C10orf90: variants seen among roughly 807,000 people sequenced by gnomAD.
C10orf90 encodes the protein (E2-independent) E3 ubiquitin-conjugating enzyme FATS.
Under a neutral mutation model 62.5 loss-of-function variants are expected in C10orf90, and 56 were observed. The ratio of observed to expected loss-of-function variants is 0.90; its 90% CI spans 0.72 to 1.12. The LOEUF (loss-of-function observed/expected upper bound fraction) is 1.12, where lower values mean the gene tolerates loss of function less well. Ranked by LOEUF, C10orf90 falls within the 50% of genes most tolerant of loss-of-function variation. The pLI is 0.00. For synonymous variants in C10orf90, 386 were observed against 340.4 expected, an observed-to-expected ratio of 1.13 and a Z score of -1.47; for missense variants, 970 against 880.4, an observed-to-expected ratio of 1.10 and a Z score of -1.29.
chr10:126,550,175 C>T (rs988072087), intron 2 of C10orf90, among the ~76,000 whole-genome samples: 3 of 151,636 alleles, frequency 2.0e-5, no homozygotes, highest in Non-Finnish European at 4.4e-5. Context: ...AGGCTGGTCT[C>T]GAACTCCTGA....
chr10:126,541,334 A>ATT (rs1471592260), intron 2 of C10orf90, among the ~76,000 whole-genome samples: 3 of 152,176 alleles, frequency 2.0e-5, no homozygotes, highest in Admixed American at 6.5e-5. Context: ...GATAAATAAA[A>ATT]TTTTAAAAAA....
chr10:126,527,525 T>C (rs1863982850), intron 2 of C10orf90, among the ~76,000 whole-genome samples: 1 of 152,252 alleles, frequency 6.6e-6, no homozygotes, highest in Non-Finnish European at 1.5e-5. Flanking sequence ...ATCTCGTATC[T>C]CTGCACCTTC....
At chr10:126,598,422 A>G (rs1845128752) in intron 2 of C10orf90, among the ~76,000 whole-genome samples, 1 of 152,108 alleles carries the variant, frequency 6.6e-6, no homozygotes, top group African/African-American at 2.4e-5. Context: ...ATCCTATATG[A>G]TGCCCATATG....
At chr10:126,662,254 T>C (rs1261803726) in intron 1 of C10orf90, among the ~76,000 whole-genome samples, 2 of 152,186 alleles carry the variant, frequency 1.3e-5, no homozygotes, top group Non-Finnish European at 2.9e-5. Flanking sequence ...CTCGGGGCTC[T>C]ACGTGATTTT....
intron 2 of C10orf90, among the ~76,000 whole-genome samples, chr10:126,523,959 T>C (rs12570273): frequency 2.6e-5 from 4 of 152,178 alleles, no homozygotes; most frequent in Non-Finnish European, 5.9e-5. Context: ...ACAATATCCA[T>C]ATCCATACAT....
intron 2 of C10orf90, among the ~76,000 whole-genome samples, chr10:126,642,774 G>C (rs546060272): frequency 6.6e-6 from 1 of 152,108 alleles, no homozygotes; most frequent in Non-Finnish European, 1.5e-5. Flanking sequence ...ACTGCCAGCT[G>C]CTTCGCGAGC....
chr10:126,599,361 AT>A (rs113822696), intron 2 of C10orf90, among the ~76,000 whole-genome samples: 6,947 of 142,920 alleles, frequency 0.049, 468 homozygotes, highest in African/African-American at 0.16. Flanking sequence ...AATTTTTTGT[AT>A]TTTTTTTTTC....
At chr10:126,623,274 C>T (rs1443298255) in intron 2 of C10orf90, among the ~76,000 whole-genome samples, 4 of 152,292 alleles carry the variant, frequency 2.6e-5, no homozygotes, top group Admixed American at 2.6e-4. Context: ...CCCTCTTGTT[C>T]ATTGGCTCCA....
At position 126,650,279 on chromosome 10, in the gene C10orf90, A is replaced by G. The variant is rs80179886; in HGVS notation, c.241-3642T>C. ...TCTCCCTTAAGTCTCTGAAGACATTACGGTGTTATTTAGTGAATGGAAACG... is the reference window on the plus strand; with the variant it reads ...TCTCCCTTAAGTCTCTGAAGACATTGCGGTGTTATTTAGTGAATGGAAACG... On this transcript the variant is annotated intron_variant, in intron 1 of 9. Coordinates refer to ENST00000488181, the MANE Select transcript of C10orf90 (RefSeq NM_001350921.2). 5.4e-3 allele frequency among the ~76,000 whole-genome samples: 818 copies of G among 152,306 alleles called. 10 individuals are homozygous for G. The highest frequency in any genetic ancestry group is 0.019 in the African/African-American group (781 of 41,562).
At chr10:126,555,427 CT>C (rs1291784143) in intron 2 of C10orf90, among the ~76,000 whole-genome samples, 2 of 152,058 alleles carry the variant, frequency 1.3e-5, no homozygotes, top group African/African-American at 4.8e-5. Flanking sequence ...AATCCCAACA[CT>C]TTGGAAGGCT....
intron 7 of C10orf90, among the ~76,000 whole-genome samples, chr10:126,431,138 C>A (rs1018028383): frequency 6.6e-5 from 10 of 152,116 alleles, no homozygotes; most frequent in Non-Finnish European, 1.2e-4. Flanking sequence ...TGACAACTGA[C>A]CAAAAACAAG....
intron 4 of C10orf90, among the ~76,000 whole-genome samples, chr10:126,479,963 TC>T (rs1293457375): frequency 1.3e-5 from 2 of 152,210 alleles, no homozygotes; most frequent in African/African-American, 2.4e-5. Context: ...TAAGTAATGC[TC>T]TTTTTATCCC....
At chr10:126,592,673 A>G (rs917235796) in intron 2 of C10orf90, among the ~76,000 whole-genome samples, 1 of 152,210 alleles carries the variant, frequency 6.6e-6, no homozygotes, top group Admixed American at 6.5e-5. Context: ...CAATTGCAAC[A>G]AAAGCAAAAA....
chr10:126,508,876 A>T (rs1862926705), intron 3 of C10orf90, among the ~76,000 whole-genome samples: 1 of 152,174 alleles, frequency 6.6e-6, no homozygotes. Context: ...GGCATCAACG[A>T]GGGGTGTGTT....
chr10:126,439,554 G>GA (rs902481843), intron 7 of C10orf90, among the ~76,000 whole-genome samples: 70 of 151,340 alleles, frequency 4.6e-4, no homozygotes, highest in East Asian at 1.9e-4. Context: ...AGAGAACACA[G>GA]AAAAAAAATG....
At chr10:126,612,296 G>A (rs1167280575) in intron 2 of C10orf90, among the ~76,000 whole-genome samples, 1 of 152,276 alleles carries the variant, frequency 6.6e-6, no homozygotes, top group Non-Finnish European at 1.5e-5. Flanking sequence ...ACTCCAGCCT[G>A]GGTGACAAAG....
intron 4 of C10orf90, among the ~76,000 whole-genome samples, chr10:126,500,954 T>A (rs1862345630): frequency 6.6e-6 from 1 of 152,208 alleles, no homozygotes; most frequent in Non-Finnish European, 1.5e-5. Context: ...TGAATGTCAG[T>A]AAGCCAGCCA....
intron 4 of C10orf90, among the ~76,000 whole-genome samples, chr10:126,474,794 G>A (rs1860766056): frequency 6.6e-6 from 1 of 152,222 alleles, no homozygotes; most frequent in South Asian, 2.1e-4. Context: ...ACATCTGAAC[G>A]TAACTTGCAA....
At chr10:126,654,692 G>C (rs558658060) in intron 1 of C10orf90, among the ~76,000 whole-genome samples, 110 of 152,314 alleles carry the variant, frequency 7.2e-4, no homozygotes, top group African/African-American at 2.6e-3. Context: ...AACAGGCGCA[G>C]CTTTCAGCCT....
Sources: allele counts gnomAD v4.1 joint callset (sites outside exome capture counted in the v4.1 genomes callset), GRCh38; gene constraint gnomAD v4.1.1; transcripts MANE v1.5; gene names NCBI Gene and HGNC (gene_info 2026-07-23, HGNC 2026-07-21).